MACROD2: variants seen among roughly 807,000 people sequenced by gnomAD.
MACROD2 encodes ADP-ribose glycohydrolase MACROD2.
A neutral mutation model predicts 70.4 loss-of-function variants in MACROD2; 36 were observed. The observed-to-expected ratio is 0.51, with a 90% confidence interval of 0.39 to 0.68. MACROD2 has a LOEUF of 0.68. MACROD2 is among the 30% of genes least tolerant of loss of function. MACROD2 has a pLI of 0.00. For missense variants in MACROD2, 496 were observed against 538.4 expected (o/e 0.92, Z 0.78); for synonymous variants, 172 against 178.8 (o/e 0.96, Z 0.30).
intron 8 of MACROD2, among the ~76,000 whole-genome samples, chr20:15,842,351 G>GAA (rs2064180387): frequency 6.6e-6 from 1 of 151,808 alleles, no homozygotes; most frequent in Non-Finnish European, 1.5e-5. Context: ...TTCATATTAC[G>GAA]CCCATTTATT....
chr20:14,990,339 G>A (rs1440583429), intron 5 of MACROD2, among the ~76,000 whole-genome samples: 1 of 151,970 alleles, frequency 6.6e-6, no homozygotes, highest in Non-Finnish European at 1.5e-5. Flanking sequence ...GAAGCCCAGG[G>A]TAGTTATTTT....
At chr20:15,616,649 C>T (rs540454862) in intron 8 of MACROD2, among the ~76,000 whole-genome samples, 17 of 152,132 alleles carry the variant, frequency 1.1e-4, no homozygotes, top group Non-Finnish European at 2.4e-4. Context: ...CCTGAATTGC[C>T]TGGTTCTAAC....
intron 3 of MACROD2, among the ~76,000 whole-genome samples, chr20:14,095,393 A>G (rs1280912414): frequency 6.6e-6 from 1 of 152,214 alleles, no homozygotes; most frequent in Non-Finnish European, 1.5e-5. Context: ...AAGTTAGCAT[A>G]TTAATTTTAT....
At chr20:14,423,755 A>ATTTTTTTTTT (rs1165796772) in intron 3 of MACROD2, among the ~76,000 whole-genome samples, 1,737 of 63,098 alleles carry the variant, frequency 0.028, 146 homozygotes, top group Middle Eastern at 0.075. Context: ...GACATCTTAA[A>ATTTTTTTTTT]TTTTTTTTTT....
intron 3 of MACROD2, among the ~76,000 whole-genome samples, chr20:14,438,671 G>A (rs975275149): frequency 1.3e-5 from 2 of 152,104 alleles, no homozygotes; most frequent in African/African-American, 4.8e-5. Context: ...AAAGATTAGG[G>A]CACCTTTTCA....
chr20:14,461,675 TC>T (rs2084374071), intron 3 of MACROD2, among the ~76,000 whole-genome samples: 1 of 145,562 alleles, frequency 6.9e-6, no homozygotes, highest in Admixed American at 6.9e-5. Context: ...CCCACAACAG[TC>T]CCCGGTGTGT....
chr20:14,154,587 G>T (rs2327816), intron 3 of MACROD2, among the ~76,000 whole-genome samples: 118,482 of 121,380 alleles, frequency 0.98, 57,792 homozygotes, highest in Middle Eastern at 1. Flanking sequence ...TTTTTTTTTG[G>T]ATTTTTAGTA....
In MACROD2 at chr20:15,591,692, C is replaced by T. The variant is rs566749955; in HGVS notation, c.645+91845C>T. 1.2e-4 allele frequency among the ~76,000 whole-genome samples: 18 copies of T among 150,396 alleles called. No individual in the cohort carries two copies. In the South Asian group the frequency reaches 1.9e-3, roughly 16 times the overall value. ...TGACTTTTATTTTTTCATCTTTAAC[C>T]GGAATGCAGACCTTGTTTCATTAGG... On this transcript the variant is annotated intron_variant, in intron 8 of 17. Coordinates refer to ENST00000684519, the MANE Select transcript of MACROD2 (RefSeq NM_001351661.2).
At chr20:14,399,162 G>A (rs2083611699) in intron 3 of MACROD2, among the ~76,000 whole-genome samples, 1 of 151,884 alleles carries the variant, frequency 6.6e-6, no homozygotes, top group African/African-American at 2.4e-5. Flanking sequence ...TGGGACTATA[G>A]GCACACGCCA....
intron 5 of MACROD2, among the ~76,000 whole-genome samples, chr20:14,801,308 A>G (rs1487570870): frequency 6.6e-6 from 1 of 152,078 alleles, no homozygotes; most frequent in Non-Finnish European, 1.5e-5. Context: ...TTGCAAAATG[A>G]CCCAAGCCTC....
chr20:14,818,166 G>A (rs1266788204), intron 5 of MACROD2, among the ~76,000 whole-genome samples: 3 of 152,074 alleles, frequency 2.0e-5, no homozygotes, highest in Non-Finnish European at 4.4e-5. Context: ...ACTGTTCTAG[G>A]CATGGAGGCA....
chr20:15,713,986 T>TGCACACACGCGC (rs780421547), intron 8 of MACROD2, among the ~76,000 whole-genome samples: 1 of 97,418 alleles, frequency 1.0e-5, no homozygotes, highest in African/African-American at 4.7e-5. Flanking sequence ...CACACACATA[T>TGCACACACGCGC]GCACACACAC....
chr20:15,375,162 G>A (rs1431293268), intron 6 of MACROD2, among the ~76,000 whole-genome samples: 1 of 152,114 alleles, frequency 6.6e-6, no homozygotes, highest in Non-Finnish European at 1.5e-5. Context: ...AACTCAGAAA[G>A]TCCATCCATC....
intron 6 of MACROD2, among the ~76,000 whole-genome samples, chr20:15,334,090 A>G (rs2078022335): frequency 6.6e-6 from 1 of 151,674 alleles, no homozygotes; most frequent in Admixed American, 6.6e-5. Flanking sequence ...GAGGGACACA[A>G]GTTCTTTGTC....
chr20:15,877,965 T>C (rs995583190), intron 9 of MACROD2, among the ~76,000 whole-genome samples: 6 of 152,070 alleles, frequency 3.9e-5, no homozygotes, highest in Admixed American at 2.0e-4. Context: ...TCCATTTTTT[T>C]CCCTTGGGAG....
In MACROD2 at chr20:14,722,054, A is replaced by T. The variant is rs74558174; in HGVS notation, c.418+37095A>T. ...CAGTAATGCCCCATAACAAACAACC[A>T]CAAAATTTCAGTGGCATAGACACTT... is the stretch of plus-strand genomic sequence containing the variant. On this transcript the variant is annotated intron_variant, in intron 5 of 17. Transcript: ENST00000684519. Among the ~76,000 whole-genome samples the T allele has an allele frequency of 0.01, 1,545 of 152,266 alleles. 51 individuals are homozygous for T. In the East Asian group the frequency reaches 0.11, roughly 11 times the overall value.
intron 15 of MACROD2, among the ~76,000 whole-genome samples, chr20:16,034,686 T>C (rs2067199453): frequency 6.6e-6 from 1 of 151,956 alleles, no homozygotes; most frequent in Middle Eastern, 3.2e-3. Flanking sequence ...CCATAAGTTA[T>C]TGGGGTACAG....
chr20:14,884,435 A>C (rs1316935471), intron 5 of MACROD2: 1 of 152,186 alleles, frequency 6.6e-6, no homozygotes, highest in Non-Finnish European at 1.5e-5. Context: ...TGGGAACTCT[A>C]CTGGGTCTGT....
chr20:15,984,861 T>A (rs1287798440), intron 13 of MACROD2, among the ~76,000 whole-genome samples: 1 of 152,186 alleles, frequency 6.6e-6, no homozygotes, highest in East Asian at 1.9e-4. Context: ...GGCCTCTTTT[T>A]CTCTCTGCTG....
Sources: allele counts gnomAD v4.1 joint callset (sites outside exome capture counted in the v4.1 genomes callset), GRCh38; gene constraint gnomAD v4.1.1; transcripts MANE v1.5; gene names NCBI Gene and HGNC (gene_info 2026-07-23, HGNC 2026-07-21).